Variants in CSF1R observed in about 807,000 individuals in gnomAD.
CSF1R encodes the protein colony stimulating factor 1 receptor.
In CSF1R, 40 loss-of-function variants were observed where a neutral mutation model predicts 110.0. The ratio of observed to expected loss-of-function variants is 0.36; its 90% CI spans 0.28 to 0.47. The LOEUF is 0.47. Among genes scored for constraint, CSF1R ranks in the 20% least tolerant of loss-of-function variants. The probability of loss-of-function intolerance (pLI) is 0.99; values close to 1 mark genes in which losing one functional copy is unlikely to be tolerated. For missense variants in CSF1R, 1,052 were observed against 1,253.0 expected (o/e 0.84, Z 2.42); for synonymous variants, 523 against 503.4 (o/e 1.04, Z -0.52).
chr5:150,107,817 C>T (rs1759598305), intron 1 of CSF1R, among the ~76,000 whole-genome samples: 1 of 152,252 alleles, frequency 6.6e-6, no homozygotes, highest in South Asian at 2.1e-4. Flanking sequence ...GGGCTATTGA[C>T]TCAGATCCAG....
chr5:150,083,367 C>CAA (rs1317144441), intron 1 of CSF1R, among the ~76,000 whole-genome samples: 2 of 141,284 alleles, frequency 1.4e-5, no homozygotes, highest in African/African-American at 5.9e-5. Context: ...CACACACACA[C>CAA]ACACACACAC....
Position 150,060,936 on chromosome 5 carries a change from G to T in CSF1R, c.1895C>A (p.Ser632Tyr). ...CAGGTGGCTCATGATCTTCAGCTCGGACATGAGGGCCTCCTTCTCATCAGC... is the reference window on the plus strand; with the variant it reads ...CAGGTGGCTCATGATCTTCAGCTCGTACATGAGGGCCTCCTTCTCATCAGC... The part of the protein sequence containing the change: ...AHADEKEALM[S>Y]ELKIMSHLGQ... The change falls in exon 13 of 21, where the codon TCC (serine) becomes TAC (tyrosine). Residue 632 changes from serine to tyrosine, a missense_variant. Physicochemically the swap from Ser to Tyr is moderately radical, Grantham distance 144. Transcript: ENST00000675795. 2 of 1,609,436 alleles carry T rather than the reference G, an allele frequency of 1.2e-6. No homozygotes were observed. Among genetic ancestry groups the T allele is most frequent in the East Asian group, 4.5e-5 (2 of 44,816 alleles).
intron 6 of CSF1R, among the ~76,000 whole-genome samples, chr5:150,071,704 G>A (rs1334594418): frequency 2.6e-5 from 4 of 152,124 alleles, no homozygotes; most frequent in African/African-American, 7.2e-5. Flanking sequence ...AGGGGATCTC[G>A]TGTTCCTTTC....
chr5:150,056,852 C>T (rs1035695780), intron 16 of CSF1R, among the ~76,000 whole-genome samples: 17 of 152,092 alleles, frequency 1.1e-4, no homozygotes, highest in African/African-American at 4.1e-4. Context: ...CACTGACTCC[C>T]GAATCTGTTC....
In CSF1R at chr5:150,080,289, C is replaced by G. The variant is rs1561939362; in HGVS notation, c.355G>C (p.Glu119Gln). 6.2e-7 allele frequency: 1 copy of G among 1,613,896 alleles called. No individual in the cohort carries two copies. ...CAGGGCAGTAGTGCGTCCTGGTCCTCGAACACGACCACCTCCTGTGCTAGC... is the reference window on the plus strand; with the variant it reads ...CAGGGCAGTAGTGCGTCCTGGTCCTGGAACACGACCACCTCCTGTGCTAGC... The part of the protein sequence containing the change: ...NVLAQEVVVF[E>Q]DQDALLPCLL... The change falls in exon 3 of 21, where the codon GAG becomes CAG. Residue 119 changes from glutamate (E) to glutamine (Q), a missense_variant. Physicochemically the swap from Glu to Gln is conservative, Grantham distance 29. Coordinates refer to ENST00000675795, the MANE Select transcript of CSF1R (RefSeq NM_001288705.3).
rs752638971 is a variant in CSF1R, at chr5:150,100,290, C to CTTTTTTTTTTT, written c.-181+12960_-181+12970dup. Among the ~76,000 whole-genome samples the CTTTTTTTTTTT allele has an allele frequency of 6.5e-4, 58 of 89,378 alleles. 11 individuals are homozygous for CTTTTTTTTTTT. The highest frequency in any genetic ancestry group is 7.7e-4 in the Non-Finnish European group (37 of 48,172). The allele number at this position is 89,378 out of a possible 152,430, so 58.6% of individuals were successfully genotyped here. On this transcript the variant is annotated intron_variant, in intron 1 of 21. Coordinates refer to the CSF1R transcript ENST00000286301. The stretch of plus-strand genomic sequence containing the variant: ...AGTGAACCTAAGATCATTGGCTAAC[C>CTTTTTTTTTTT]TTTTTTTTTTTTTTTTTTTTTTTCT...
intron 1 of CSF1R, among the ~76,000 whole-genome samples, chr5:150,093,776 T>C (rs1428282793): frequency 6.6e-6 from 1 of 152,100 alleles, no homozygotes; most frequent in Admixed American, 6.6e-5. Context: ...CATGTACAAT[T>C]ATTGAGGCCG....
chr5:150,065,847 C>A (rs1297716865), intron 10 of CSF1R, among the ~76,000 whole-genome samples: 2 of 152,196 alleles, frequency 1.3e-5, no homozygotes, highest in Non-Finnish European at 2.9e-5. Flanking sequence ...AGAGGGGATA[C>A]AGAGTTCCTA....
chr5:150,082,021 C>T (rs533958149), intron 1 of CSF1R, among the ~76,000 whole-genome samples: 3 of 152,316 alleles, frequency 2.0e-5, no homozygotes, highest in South Asian at 2.1e-4. Flanking sequence ...GCTCAGCCCC[C>T]GGTTTCCGCT....
chr5:150,060,716 A>T, intron 13 of CSF1R, 146 bp downstream of exon 13: 1 of 583,832 alleles, frequency 1.7e-6, no homozygotes, highest in Non-Finnish European at 3.1e-6. Flanking sequence ...TGGGCCCAGG[A>T]GTTTAAGGGA....
chr5:150,061,021 G>A lies in CSF1R; in HGVS notation c.1859-49C>T, dbSNP rs759355346. 50 of 1,344,386 alleles carry A rather than the reference G, an allele frequency of 3.7e-5. 1 individual carries two copies. The South Asian group carries it at 3.9e-4, about 10-fold the overall frequency. 83.3% of individuals were successfully genotyped at this position (1,344,386 alleles called of 1,614,324 possible). On this transcript the variant is annotated intron_variant, in intron 12 of 20. Coordinates refer to ENST00000675795, the MANE Select transcript of CSF1R (RefSeq NM_001288705.3). ...AAAGACAGGGAGAGGGCAGGACAGA[G>A]AGCACCACACAGATACATGGGGACC...
At chr5:150,055,951 A>G (rs1757193761) in intron 18 of CSF1R, 75 bp downstream of exon 18, 1 of 1,380,072 alleles carries the variant, frequency 7.2e-7, no homozygotes, top group Non-Finnish European at 1.0e-6. Flanking sequence ...CTGGGCACCA[A>G]ACAGCTTTGT....
Position 150,111,992 on chromosome 5 carries a change from T to C in CSF1R, c.-181+1269A>G, listed in dbSNP as rs530645931. Reference sequence around the variant, plus strand: ...AAATGACACGCTGGTGATCATTACCTCTTTACAAATGAGTGTTAAGCAGCC... The same window carrying C: ...AAATGACACGCTGGTGATCATTACCCCTTTACAAATGAGTGTTAAGCAGCC... On this transcript the variant is annotated intron_variant, in intron 1 of 21. Transcript: ENST00000286301. Among the ~76,000 whole-genome samples the C allele has an allele frequency of 2.0e-5, 3 of 152,338 alleles. No homozygotes were observed. The South Asian group carries it at 6.2e-4, about 32-fold the overall frequency.
intron 9 of CSF1R, 145 bp downstream of exon 9, chr5:150,069,728 A>C: frequency 1.4e-6 from 1 of 693,104 alleles, no homozygotes; most frequent in Non-Finnish European, 2.3e-6. Context: ...TGGCCCAGAG[A>C]GGTGGACCTT....
chr5:150,113,345 A>G (rs945110062), exon 1 of CSF1R: 1 of 152,870 alleles, frequency 6.5e-6, no homozygotes, highest in African/African-American at 2.4e-5. Context: ...TCGTGCTCTC[A>G]CGCTTTTGGA....
At chr5:150,096,713 T>G (rs1759236244) in intron 1 of CSF1R, among the ~76,000 whole-genome samples, 1 of 152,172 alleles carries the variant, frequency 6.6e-6, no homozygotes, top group Non-Finnish European at 1.5e-5. Context: ...ATTTACCATA[T>G]CAAGATTTTA....
In CSF1R at chr5:150,063,652, G is replaced by A. The variant is rs559318421; in HGVS notation, c.1627-1803C>T. Among the ~76,000 whole-genome samples the A allele has an allele frequency of 9.9e-5, 15 of 152,198 alleles. 1 individual carries two copies. In the South Asian group the frequency reaches 3.1e-3, roughly 32 times the overall value. ...CCCAGCCAGGGGAGGCAAGCCCTGG[G>A]ATGTGGGGAGGAGGAATGGCTGCCC... On this transcript the variant is annotated intron_variant, in intron 10 of 20. Coordinates refer to ENST00000675795, the MANE Select transcript of CSF1R (RefSeq NM_001288705.3).
chr5:150,081,974 C>T (rs1434022219), intron 1 of CSF1R, among the ~76,000 whole-genome samples: 1 of 152,214 alleles, frequency 6.6e-6, no homozygotes, highest in Non-Finnish European at 1.5e-5. Context: ...CAGGCGCCCC[C>T]CAGCCTGTGT....
At chr5:150,070,865 A>G (rs776251025) in intron 6 of CSF1R, among the ~76,000 whole-genome samples, 2 of 152,180 alleles carry the variant, frequency 1.3e-5, no homozygotes, top group African/African-American at 2.4e-5. Flanking sequence ...TACGTTGACC[A>G]CTGTCACTGG....
Sources: allele counts gnomAD v4.1 joint callset (sites outside exome capture counted in the v4.1 genomes callset), GRCh38; gene constraint gnomAD v4.1.1; transcripts MANE v1.5; gene names NCBI Gene and HGNC (gene_info 2026-07-23, HGNC 2026-07-21).